FRMD7: variants seen among roughly 807,000 people sequenced by gnomAD.
FRMD7 encodes the protein FERM domain-containing protein 7.
Under a neutral mutation model 44.1 loss-of-function variants are expected in FRMD7, and 14 were observed. That is an observed-to-expected ratio of 0.32 (90% confidence interval 0.21 to 0.50). The LOEUF (loss-of-function observed/expected upper bound fraction) is 0.50. Among genes scored for constraint, FRMD7 ranks in the 20% least tolerant of loss-of-function variants. FRMD7 has a pLI of 0.99. For synonymous variants in FRMD7, 212 were observed against 187.4 expected (o/e 1.13, Z -1.07); for missense variants, 501 against 522.3 (o/e 0.96, Z 0.40).
chrX:132,115,912 A>C (rs1350759649), intron 1 of FRMD7, among the ~76,000 whole-genome samples: 1 of 110,124 alleles, frequency 9.1e-6, no homozygotes, highest in Non-Finnish European at 1.9e-5. Context: ...CATTTGTTAT[A>C]CTTTGGGGAA....
At chrX:132,082,674 C>T (rs898080708) in intron 8 of FRMD7, 148 bp from the exon 9 acceptor site, 1 of 515,254 alleles carries the variant, frequency 1.9e-6, no homozygotes, top group African/African-American at 2.3e-5. Flanking sequence ...CCTGCTGAAA[C>T]CTAATGATTG....
At chrX:132,121,597 A>T (rs1477460238) in intron 1 of FRMD7, among the ~76,000 whole-genome samples, 1 of 69,605 alleles carries the variant, frequency 1.4e-5, no homozygotes, top group Non-Finnish European at 3.3e-5. Context: ...TTTATAGATT[A>T]AAAAAAAAAA....
At chrX:132,095,726 T>C (rs1328503205) in intron 4 of FRMD7, among the ~76,000 whole-genome samples, 1 of 112,638 alleles carries the variant, frequency 8.9e-6, no homozygotes, top group Non-Finnish European at 1.9e-5. Context: ...AGACAAGGCA[T>C]CCTTGTAGAC....
chrX:132,078,762 T>C lies in FRMD7; in HGVS notation c.1255A>G (p.Met419Val), dbSNP rs2124209482. 8.3e-7 allele frequency: 1 copy of C among 1,211,183 alleles called. No individual in the cohort carries two copies. Among genetic ancestry groups the C allele is most frequent in the African/African-American group, 1.7e-5 (1 of 57,695 alleles). ...GGCTCAGTGTTAAAGACAGGGTCCATATAAATAAAAGGGAAAGAGGAACTG... is the reference window on the plus strand; with the variant it reads ...GGCTCAGTGTTAAAGACAGGGTCCACATAAATAAAAGGGAAAGAGGAACTG... ...QSSSSFPFIYMDPVFNTEPNP... is the reference protein window; with the variant it reads ...QSSSSFPFIYVDPVFNTEPNP... The change falls in exon 12 of 12, where the codon ATG (methionine) becomes GTG (valine). Residue 419 changes from methionine to valine, a missense_variant. By Grantham distance (21) the Met-to-Val change is conservative. Transcript: ENST00000298542.
intron 1 of FRMD7, among the ~76,000 whole-genome samples, chrX:132,126,831 G>A (rs1452351173): frequency 8.9e-6 from 1 of 111,883 alleles, no homozygotes; most frequent in Non-Finnish European, 1.9e-5. Flanking sequence ...GGAAGAGACA[G>A]CAAAACAGCA....
intron 1 of FRMD7, among the ~76,000 whole-genome samples, chrX:132,124,230 C>A (rs1000699802): frequency 8.9e-6 from 1 of 111,769 alleles, no homozygotes; most frequent in Non-Finnish European, 1.9e-5. Flanking sequence ...GAAGCAAAAC[C>A]AAATATACAA....
At chrX:132,109,183 A>G (rs1928719386) in intron 1 of FRMD7, among the ~76,000 whole-genome samples, 1 of 111,820 alleles carries the variant, frequency 8.9e-6, no homozygotes, top group African/African-American at 3.3e-5. Context: ...TAAATGAATT[A>G]CCTTTTGGTC....
intron 1 of FRMD7, among the ~76,000 whole-genome samples, chrX:132,120,907 A>G (rs1407882723): frequency 8.9e-6 from 1 of 112,582 alleles, no homozygotes; most frequent in Non-Finnish European, 1.9e-5. Context: ...GTCCCCTGCA[A>G]TGACAAATGA....
intron 1 of FRMD7, among the ~76,000 whole-genome samples, chrX:132,110,326 G>A (rs763953319): frequency 1.8e-5 from 2 of 110,763 alleles, no homozygotes; most frequent in East Asian, 5.7e-4. Context: ...GAAGATGGTA[G>A]CCTGGATTAA....
At chrX:132,089,406 T>C (rs1446824109) in intron 5 of FRMD7, among the ~76,000 whole-genome samples, 2 of 111,527 alleles carry the variant, frequency 1.8e-5, no homozygotes, top group African/African-American at 6.5e-5. Flanking sequence ...TTTATAAAAG[T>C]TCTAGGAGAA....
Position 132,094,143 on chromosome X carries a change from C to T in FRMD7, c.285-4G>A. 9.7e-7 allele frequency: 1 copy of T among 1,027,795 alleles called. No homozygotes were observed. The highest frequency in any genetic ancestry group is 1.4e-6 in the Non-Finnish European group (1 of 728,225). 84.7% of individuals were successfully genotyped at this position (1,027,795 alleles called of 1,213,427 possible). A position where few individuals can be genotyped will look rare whatever the true frequency, so the allele number is the denominator to read the frequency against. On this transcript the variant is annotated splice_region_variant and splice_polypyrimidine_tract_variant and intron_variant, in intron 4 of 11. Coordinates refer to ENST00000298542, the MANE Select transcript of FRMD7 (RefSeq NM_194277.3). ...TATTTGAAGAGTAAAAAGATACCTG[C>T]AAAGAAATTGGGGAGAATCTCTTGA...
chrX:132,109,503 A>T (rs183256273), intron 1 of FRMD7, among the ~76,000 whole-genome samples: 77 of 111,239 alleles, frequency 6.9e-4, no homozygotes, highest in African/African-American at 2.2e-3. Flanking sequence ...TGTCCCTTCA[A>T]TTCAACACAG....
intron 3 of FRMD7, 81 bp from the exon 4 acceptor site, chrX:132,097,425 A>C (rs1180472221): frequency 6.9e-6 from 4 of 579,870 alleles, no homozygotes; most frequent in Non-Finnish European, 1.2e-5. Context: ...ACACACACAC[A>C]CACCCACACA....
chrX:132,126,301 G>A (rs1419982005), intron 1 of FRMD7, among the ~76,000 whole-genome samples: 2 of 111,732 alleles, frequency 1.8e-5, no homozygotes, highest in Middle Eastern at 4.2e-3. Flanking sequence ...CACATGCTTT[G>A]ACACCTGAAT....
At chrX:132,125,731 T>A (rs907881149) in intron 1 of FRMD7, among the ~76,000 whole-genome samples, 8 of 111,872 alleles carry the variant, frequency 7.2e-5, no homozygotes, top group Non-Finnish European at 1.1e-4. Flanking sequence ...GCTCACTGTG[T>A]GCCAAGTTCT....
At chrX:132,120,682 C>G (rs113761885) in intron 1 of FRMD7, among the ~76,000 whole-genome samples, 1 of 112,239 alleles carries the variant, frequency 8.9e-6, no homozygotes, top group Admixed American at 9.4e-5. Context: ...AGGAAAGCAG[C>G]CTGGAAGCCA....
chrX:132,082,601 AACTATT>A, intron 8 of FRMD7, 75 bp from the exon 9 acceptor site: 1 of 952,745 alleles, frequency 1.0e-6, no homozygotes, highest in Non-Finnish European at 1.5e-6. Flanking sequence ...ATGCCTTCCA[AACTATT>A]GCTCCGTTGG....
At chrX:132,124,417 T>A (rs1162478721) in intron 1 of FRMD7, among the ~76,000 whole-genome samples, 1 of 111,754 alleles carries the variant, frequency 8.9e-6, no homozygotes, top group Admixed American at 9.5e-5. Flanking sequence ...GAAATAAATA[T>A]GAGGGCTTGA....
intron 3 of FRMD7, among the ~76,000 whole-genome samples, chrX:132,097,629 G>A (rs1252633379): frequency 9.0e-6 from 1 of 111,144 alleles, no homozygotes; most frequent in Non-Finnish European, 1.9e-5. Context: ...CCCCTTTGAG[G>A]CCTACTGTGT....
Sources: gnomAD v4.1 joint callset for allele counts (sites outside exome capture counted in the v4.1 genomes callset) on GRCh38, gnomAD v4.1.1 for gene constraint, MANE v1.5 for transcripts, NCBI Gene and HGNC (gene_info 2026-07-23, HGNC 2026-07-21) for gene names.